RBFOX1: variants seen among roughly 807,000 people sequenced by gnomAD.
RBFOX1 encodes the protein RNA binding protein fox-1 homolog 1.
RBFOX1 carries 8 observed loss-of-function variants against 57.7 expected under a neutral mutation model. The observed-to-expected ratio is 0.14, with a 90% confidence interval of 0.08 to 0.25. The LOEUF (loss-of-function observed/expected upper bound fraction) is 0.25, where lower values mean the gene tolerates loss of function less well. Among genes scored for constraint, RBFOX1 ranks in the 10% least tolerant of loss-of-function variants. The probability of loss-of-function intolerance (pLI) is 1.00; values close to 1 mark genes in which losing one functional copy is unlikely to be tolerated. For missense variants in RBFOX1, 611 were observed against 548.5 expected, an observed-to-expected ratio of 1.11 and a Z score of -1.14; for synonymous variants, 326 against 222.4, an observed-to-expected ratio of 1.47 and a Z score of -4.15.
chr16:6,628,093 A>T (rs556281722), intron 2 of RBFOX1, among the ~76,000 whole-genome samples: 1 of 152,316 alleles, frequency 6.6e-6, no homozygotes, highest in Admixed American at 6.5e-5. Context: ...TTCTCTGTTC[A>T]GGAGGCAAAG....
chr16:6,672,969 A>T (rs938257373), intron 3 of RBFOX1, among the ~76,000 whole-genome samples: 1 of 152,188 alleles, frequency 6.6e-6, no homozygotes, highest in Non-Finnish European at 1.5e-5. Context: ...ATTGTACCCC[A>T]GTCCCTGAAG....
At chr16:6,675,771 A>G (rs189058897) in intron 3 of RBFOX1, among the ~76,000 whole-genome samples, 3 of 152,252 alleles carry the variant, frequency 2.0e-5, no homozygotes, top group Non-Finnish European at 4.4e-5. Context: ...TTTACTCACT[A>G]CCACAAGAAC....
At chr16:5,762,983 C>G (rs1376717434) in intron 3 of RBFOX1, among the ~76,000 whole-genome samples, 2 of 152,074 alleles carry the variant, frequency 1.3e-5, no homozygotes, top group Non-Finnish European at 2.9e-5. Flanking sequence ...TTTTAATTTT[C>G]TCCTTTTTGC....
intron 3 of RBFOX1, among the ~76,000 whole-genome samples, chr16:6,886,852 G>A (rs1393306942): frequency 6.6e-6 from 1 of 151,924 alleles, no homozygotes; most frequent in East Asian, 1.9e-4. Context: ...AGTGAAATAT[G>A]GCAAAAATAA....
chr16:7,276,352 G>C (rs1295177967), intron 4 of RBFOX1, among the ~76,000 whole-genome samples: 2 of 152,156 alleles, frequency 1.3e-5, no homozygotes, highest in African/African-American at 2.4e-5. Flanking sequence ...AGCTAGGTTT[G>C]CTTGTGTCTT....
chr16:7,515,373 C>G (rs145452240), intron 4 of RBFOX1, among the ~76,000 whole-genome samples: 23 of 151,354 alleles, frequency 1.5e-4, no homozygotes, highest in East Asian at 1.2e-3. Flanking sequence ...CAGATACATT[C>G]TGGAGATTTA....
At chr16:6,885,489 T>G (rs2063804118) in intron 3 of RBFOX1, among the ~76,000 whole-genome samples, 1 of 152,162 alleles carries the variant, frequency 6.6e-6, no homozygotes, top group African/African-American at 2.4e-5. Context: ...CTTGACAAAG[T>G]CCAGGATGGT....
chr16:6,655,628 C>G (rs949401769), intron 3 of RBFOX1, among the ~76,000 whole-genome samples: 2 of 152,070 alleles, frequency 1.3e-5, no homozygotes, highest in Non-Finnish European at 2.9e-5. Context: ...GACAAGAGTT[C>G]ACAGACATTT....
chr16:6,866,014 G>A (rs757017222), intron 3 of RBFOX1, among the ~76,000 whole-genome samples: 1 of 151,912 alleles, frequency 6.6e-6, no homozygotes, highest in Non-Finnish European at 1.5e-5. Context: ...GAGTAATATT[G>A]GCTAGCACAT....
At chr16:7,401,278 A>G (rs1485786661) in intron 4 of RBFOX1, among the ~76,000 whole-genome samples, 1 of 152,240 alleles carries the variant, frequency 6.6e-6, no homozygotes, top group Non-Finnish European at 1.5e-5. Context: ...TATATAGAGA[A>G]AAAGGTGAAG....
At chr16:7,472,471 A>ATG (rs1027055732) in intron 4 of RBFOX1, among the ~76,000 whole-genome samples, 1 of 152,226 alleles carries the variant, frequency 6.6e-6, no homozygotes, top group African/African-American at 2.4e-5. Context: ...AACCAGTGTT[A>ATG]TGAAACTTGC....
At chr16:5,444,321 A>G (rs1597091416) in intron 1 of RBFOX1, among the ~76,000 whole-genome samples, 1 of 152,336 alleles carries the variant, frequency 6.6e-6, no homozygotes, top group South Asian at 2.1e-4. Context: ...CTGATCACTC[A>G]GAGCTTTAGT....
At chr16:7,600,941 G>C (rs1354617007) in intron 9 of RBFOX1, among the ~76,000 whole-genome samples, 1 of 152,168 alleles carries the variant, frequency 6.6e-6, no homozygotes, top group Non-Finnish European at 1.5e-5. Flanking sequence ...GAGGGGATTG[G>C]ACTATTTCTC....
At chr16:7,294,774 TATG>T (rs35974179) in intron 4 of RBFOX1, among the ~76,000 whole-genome samples, 25,218 of 151,318 alleles carry the variant, frequency 0.17, 2,190 homozygotes, top group Middle Eastern at 0.24. Flanking sequence ...AAATGATGAA[TATG>T]ATGATGATGA....
intron 2 of RBFOX1, among the ~76,000 whole-genome samples, chr16:6,622,135 C>T (rs116702994): frequency 4.6e-4 from 70 of 152,188 alleles, no homozygotes; most frequent in African/African-American, 1.7e-3. Context: ...TGTAGGCATT[C>T]CTTAAGTACT....
chr16:7,358,366 C>T (rs902360515), intron 4 of RBFOX1, among the ~76,000 whole-genome samples: 5 of 152,082 alleles, frequency 3.3e-5, no homozygotes, highest in East Asian at 1.9e-4. Context: ...TAAGCAGCTC[C>T]TGCATTTTAT....
chr16:6,785,852 C>G (rs1373203395), intron 3 of RBFOX1, among the ~76,000 whole-genome samples: 1 of 139,412 alleles, frequency 7.2e-6, no homozygotes, highest in Non-Finnish European at 1.6e-5. Flanking sequence ...GACTCAAAGT[C>G]CATTAGACTC....
At chr16:7,504,755 T>TTATATA (rs1225848111) in intron 4 of RBFOX1, among the ~76,000 whole-genome samples, 2 of 10,002 alleles carry the variant, frequency 2.0e-4, no homozygotes, top group African/African-American at 1.0e-3. Flanking sequence ...ATATATATAT[T>TTATATA]TATATATATA....
intron 1 of RBFOX1, among the ~76,000 whole-genome samples, chr16:6,282,437 A>T (rs968587713): frequency 6.6e-6 from 1 of 150,444 alleles, no homozygotes; most frequent in South Asian, 2.1e-4. Flanking sequence ...TGTTACACAG[A>T]TAAACATGTG....
Sources: gnomAD v4.1 joint callset for allele counts (sites outside exome capture counted in the v4.1 genomes callset) on GRCh38, gnomAD v4.1.1 for gene constraint, MANE v1.5 for transcripts, NCBI Gene and HGNC (gene_info 2026-07-23, HGNC 2026-07-21) for gene names.